Variants in KLHL29 observed in about 807,000 individuals in gnomAD.
KLHL29 encodes kelch like family member 29.
In KLHL29, 21 loss-of-function variants were observed where a neutral mutation model predicts 80.4. The ratio of observed to expected loss-of-function variants is 0.26; its 90% confidence interval spans 0.19 to 0.38. KLHL29 has a LOEUF of 0.38. Among genes scored for constraint, KLHL29 ranks in the 10% least tolerant of loss-of-function variants. The pLI is 1.00. For synonymous variants in KLHL29, 511 were observed against 526.8 expected (o/e 0.97, Z 0.41); for missense variants, 867 against 1,223.9 (o/e 0.71, Z 4.35).
intron 7 of KLHL29, 117 bp downstream of exon 7, chr2:23,691,993 C>A: frequency 2.0e-6 from 2 of 998,936 alleles, no homozygotes; most frequent in Non-Finnish European, 2.9e-6. Context: ...AGCTCCCTCA[C>A]ATGTGGCTGA....
chr2:23,439,521 C>T (rs1663448743), intron 1 of KLHL29, among the ~76,000 whole-genome samples: 1 of 151,148 alleles, frequency 6.6e-6, no homozygotes, highest in Admixed American at 6.6e-5. Context: ...TCTTTGTTCT[C>T]GTTGGTTTCA....
At position 23,637,703 on chromosome 2, in the gene KLHL29, CA is replaced by C. The variant is rs1657037621; in HGVS notation, c.286-1435del. Among the ~76,000 whole-genome samples the C allele has an allele frequency of 2.0e-5, 3 of 152,252 alleles. No homozygotes were observed. The South Asian group carries it at 6.2e-4, about 32-fold the overall frequency. On this transcript the variant is annotated intron_variant, in intron 3 of 13. Coordinates refer to ENST00000486442, the MANE Select transcript of KLHL29 (RefSeq NM_052920.2). ...AAGTGTTGCCCAGCCTCCGCATCCA[CA>C]CCCCCTTTCTGTCCCTGGCACAGAA...
intron 1 of KLHL29, among the ~76,000 whole-genome samples, chr2:23,388,777 T>C (rs1364933674): frequency 6.6e-6 from 1 of 152,046 alleles, no homozygotes; most frequent in African/African-American, 2.4e-5. Flanking sequence ...TTTCATCAAC[T>C]CAAATGGCAC....
intron 2 of KLHL29, among the ~76,000 whole-genome samples, chr2:23,477,217 C>T (rs1664663755): frequency 6.6e-6 from 1 of 152,264 alleles, no homozygotes; most frequent in Non-Finnish European, 1.5e-5. Context: ...CGGTGGCCTC[C>T]TGGCCTCTGC....
intron 1 of KLHL29, among the ~76,000 whole-genome samples, chr2:23,386,788 G>T (rs1666194286): frequency 6.6e-6 from 1 of 152,128 alleles, no homozygotes; most frequent in Non-Finnish European, 1.5e-5. Flanking sequence ...GCGGGGCTGG[G>T]AGCCGGGGTA....
At chr2:23,566,263 A>G (rs1247615460) in intron 3 of KLHL29, among the ~76,000 whole-genome samples, 1 of 152,174 alleles carries the variant, frequency 6.6e-6, no homozygotes, top group Non-Finnish European at 1.5e-5. Flanking sequence ...GGCTCAGACC[A>G]ATCAGCAGCC....
At chr2:23,580,278 A>G (rs1045799552) in intron 3 of KLHL29, among the ~76,000 whole-genome samples, 10 of 152,076 alleles carry the variant, frequency 6.6e-5, no homozygotes, top group African/African-American at 2.2e-4. Context: ...AGGCTGAGGC[A>G]GGAGAATGGC....
chr2:23,615,748 T>C (rs1376772484), intron 3 of KLHL29, among the ~76,000 whole-genome samples: 3 of 152,172 alleles, frequency 2.0e-5, no homozygotes, highest in African/African-American at 7.2e-5. Context: ...ATGCACCTGT[T>C]AGGGTCACTG....
intron 3 of KLHL29, among the ~76,000 whole-genome samples, chr2:23,579,322 C>A (rs565627863): frequency 6.6e-6 from 1 of 152,202 alleles, no homozygotes; most frequent in Admixed American, 6.5e-5. Flanking sequence ...TACTTCGAAG[C>A]CTGTGACTCT....
At chr2:23,492,823 CT>C (rs1001700061) in intron 2 of KLHL29, among the ~76,000 whole-genome samples, 3 of 151,944 alleles carry the variant, frequency 2.0e-5, no homozygotes, top group African/African-American at 7.3e-5. Flanking sequence ...CGAACCTCCT[CT>C]TTTTTTTGCC....
At chr2:23,561,794 C>T (rs141872058) in intron 2 of KLHL29, among the ~76,000 whole-genome samples, 35 of 152,156 alleles carry the variant, frequency 2.3e-4, no homozygotes, top group African/African-American at 7.5e-4. Flanking sequence ...GAGGAGTTCA[C>T]GGCTCTTTTT....
chr2:23,559,080 G>A (rs1667373617), intron 2 of KLHL29, among the ~76,000 whole-genome samples: 1 of 152,208 alleles, frequency 6.6e-6, no homozygotes, highest in African/African-American at 2.4e-5. Context: ...TAGAAGAATT[G>A]GTGCCTGAAT....
chr2:23,490,708 G>A (rs1216526777), intron 2 of KLHL29, among the ~76,000 whole-genome samples: 1 of 152,212 alleles, frequency 6.6e-6, no homozygotes, highest in Non-Finnish European at 1.5e-5. Flanking sequence ...GTTGGGGCTT[G>A]TAAAAGTGTT....
At chr2:23,509,329 C>T (rs1443143963) in intron 2 of KLHL29, among the ~76,000 whole-genome samples, 1 of 152,186 alleles carries the variant, frequency 6.6e-6, no homozygotes, top group Admixed American at 6.5e-5. Context: ...GGTGATGGGG[C>T]TGGCTGCCAT....
At chr2:23,645,263 A>G (rs1272001911) in intron 5 of KLHL29, among the ~76,000 whole-genome samples, 1 of 152,200 alleles carries the variant, frequency 6.6e-6, no homozygotes, top group Non-Finnish European at 1.5e-5. Flanking sequence ...TAAATCTTTG[A>G]AACTTGCCAT....
intron 1 of KLHL29, among the ~76,000 whole-genome samples, chr2:23,439,590 G>A (rs1156429614): frequency 2.6e-5 from 4 of 152,158 alleles, no homozygotes; most frequent in Non-Finnish European, 5.9e-5. Flanking sequence ...TTCAGGAGCA[G>A]CTTGTTCAGT....
intron 1 of KLHL29, among the ~76,000 whole-genome samples, chr2:23,458,608 C>G (rs1315476949): frequency 1.3e-5 from 2 of 152,192 alleles, no homozygotes; most frequent in African/African-American, 4.8e-5. Flanking sequence ...AGCTCTACAG[C>G]CAGGATGGTA....
At chr2:23,452,721 T>C (rs1346303559) in intron 1 of KLHL29, among the ~76,000 whole-genome samples, 2 of 152,178 alleles carry the variant, frequency 1.3e-5, no homozygotes, top group Non-Finnish European at 2.9e-5. Flanking sequence ...GCATTTACAT[T>C]GTTAACTGTA....
chr2:23,455,570 A>G (rs1457414545), intron 1 of KLHL29, among the ~76,000 whole-genome samples: 2 of 149,584 alleles, frequency 1.3e-5, no homozygotes, highest in East Asian at 2.0e-4. Flanking sequence ...CCATTGAGTG[A>G]TGAAGAGAAG....
Sources: gnomAD v4.1 joint callset for allele counts (sites outside exome capture counted in the v4.1 genomes callset) on GRCh38, gnomAD v4.1.1 for gene constraint, MANE v1.5 for transcripts, NCBI Gene and HGNC (gene_info 2026-07-23, HGNC 2026-07-21) for gene names.